EPHA5: variants seen among roughly 807,000 people sequenced by gnomAD.
EPHA5 encodes the protein ephrin type-A receptor 5.
A neutral mutation model predicts 105.0 loss-of-function variants in EPHA5; 60 were observed. The observed-to-expected ratio is 0.57, with a 90% confidence interval of 0.46 to 0.71. EPHA5 has a LOEUF of 0.71. EPHA5 is among the 30% of genes least tolerant of loss of function. The pLI, the probability that EPHA5 is intolerant of heterozygous loss-of-function variation, is 0.00. For synonymous variants in EPHA5, 513 were observed against 449.1 expected (o/e 1.14, Z -1.80); for missense variants, 1,218 against 1,274.7 (o/e 0.96, Z 0.68).
At chr4:65,581,364 G>T (rs1578487121) in intron 3 of EPHA5, among the ~76,000 whole-genome samples, 1 of 151,536 alleles carries the variant, frequency 6.6e-6, no homozygotes, top group African/African-American at 2.4e-5. Context: ...TGTTACAAGG[G>T]TCTCAGCTAA....
At chr4:65,357,171 A>T (rs1723379050) in intron 11 of EPHA5, among the ~76,000 whole-genome samples, 1 of 151,466 alleles carries the variant, frequency 6.6e-6, no homozygotes, top group Non-Finnish European at 1.5e-5. Context: ...TACTCTTTAT[A>T]AGGCAATGTT....
chr4:65,566,652 C>G (rs557572107), intron 3 of EPHA5, among the ~76,000 whole-genome samples: 2 of 151,874 alleles, frequency 1.3e-5, no homozygotes, highest in African/African-American at 4.8e-5. Flanking sequence ...GAGCTTTAAG[C>G]TCTAAGGTGG....
chr4:65,391,498 G>A (rs1436411296), intron 8 of EPHA5, among the ~76,000 whole-genome samples: 1 of 152,078 alleles, frequency 6.6e-6, no homozygotes, highest in Non-Finnish European at 1.5e-5. Context: ...TTTCAACAAT[G>A]AGTATACTTC....
At chr4:65,655,439 A>C (rs1388134528) in intron 1 of EPHA5, among the ~76,000 whole-genome samples, 1 of 152,192 alleles carries the variant, frequency 6.6e-6, no homozygotes, top group African/African-American at 2.4e-5. Context: ...TCACTTAACT[A>C]GAGTTAGAAG....
intron 8 of EPHA5, among the ~76,000 whole-genome samples, chr4:65,391,107 A>G (rs1332808553): frequency 1.3e-5 from 2 of 152,042 alleles, no homozygotes; most frequent in Non-Finnish European, 1.5e-5. Context: ...TTCTTGTAAG[A>G]ACTCACTCAG....
intron 3 of EPHA5, among the ~76,000 whole-genome samples, chr4:65,523,258 A>T (rs2149285351): frequency 6.6e-6 from 1 of 152,092 alleles, no homozygotes; most frequent in Middle Eastern, 3.4e-3. Context: ...CACATAAAAC[A>T]ACTTTGAGTG....
At chr4:65,415,705 A>G (rs1723322325) in intron 6 of EPHA5, among the ~76,000 whole-genome samples, 1 of 152,046 alleles carries the variant, frequency 6.6e-6, no homozygotes, top group Non-Finnish European at 1.5e-5. Flanking sequence ...AATTTTATTA[A>G]ATTTGAGCCA....
At chr4:65,401,061 TGAGA>T (rs903618688) in intron 8 of EPHA5, among the ~76,000 whole-genome samples, 5 of 151,402 alleles carry the variant, frequency 3.3e-5, no homozygotes, top group South Asian at 2.1e-4. Context: ...TGTGTGTGTG[TGAGA>T]GAGAGAGAAA....
intron 1 of EPHA5, among the ~76,000 whole-genome samples, chr4:65,643,769 T>C (rs1011494050): frequency 2.6e-5 from 4 of 151,982 alleles, no homozygotes; most frequent in Admixed American, 2.6e-4. Flanking sequence ...TGTGGCCTTG[T>C]ACAAAGCTCG....
At chr4:65,628,686 T>C (rs1004037822) in intron 2 of EPHA5, among the ~76,000 whole-genome samples, 10 of 152,184 alleles carry the variant, frequency 6.6e-5, no homozygotes, top group African/African-American at 2.4e-4. Flanking sequence ...GTTTGTTTAA[T>C]GAAGTGACTA....
chr4:65,563,628 T>G (rs76152354), intron 3 of EPHA5, among the ~76,000 whole-genome samples: 1,807 of 152,132 alleles, frequency 0.012, 9 homozygotes, highest in Non-Finnish European at 0.019. Context: ...ATAAATCATG[T>G]GTAGCAGAAA....
chr4:65,669,133 C>A (rs1279714882), intron 1 of EPHA5, among the ~76,000 whole-genome samples: 4 of 152,038 alleles, frequency 2.6e-5, no homozygotes, highest in African/African-American at 9.7e-5. Context: ...TTTCTAAAAG[C>A]CCCACTGCTC....
intron 5 of EPHA5, among the ~76,000 whole-genome samples, chr4:65,457,561 T>C (rs1430355320): frequency 1.3e-5 from 2 of 152,056 alleles, no homozygotes; most frequent in African/African-American, 4.8e-5. Context: ...AAGGTATACA[T>C]CTCAGATGAG....
chr4:65,411,762 GA>G (rs533686580), intron 7 of EPHA5, among the ~76,000 whole-genome samples: 169 of 152,168 alleles, frequency 1.1e-3, no homozygotes, highest in Non-Finnish European at 2.1e-3. Flanking sequence ...AAAAGTTCTG[GA>G]AAAAAGTATT....
At chr4:65,411,664 A>G (rs1267884525) in intron 7 of EPHA5, among the ~76,000 whole-genome samples, 1 of 152,206 alleles carries the variant, frequency 6.6e-6, no homozygotes. Context: ...ATAAATGTAC[A>G]TAAAGAATTA....
chr4:65,345,534 A>G (rs898081643), intron 14 of EPHA5, among the ~76,000 whole-genome samples: 3 of 152,216 alleles, frequency 2.0e-5, no homozygotes, highest in African/African-American at 7.2e-5. Flanking sequence ...TAAAGTGGAC[A>G]CAGCTGGAAC....
intron 3 of EPHA5, among the ~76,000 whole-genome samples, chr4:65,495,966 T>A (rs1270901913): frequency 1.3e-5 from 2 of 152,196 alleles, no homozygotes; most frequent in African/African-American, 2.4e-5. Context: ...CTCAAAATTG[T>A]GTTATTGAAT....
At chr4:65,615,047 G>T (rs1745106191) in intron 2 of EPHA5, among the ~76,000 whole-genome samples, 1 of 151,678 alleles carries the variant, frequency 6.6e-6, no homozygotes, top group South Asian at 2.1e-4. Flanking sequence ...ACTTTACAAA[G>T]AATGCAATTA....
In EPHA5 at chr4:65,324,084, T is replaced by C. The variant is rs1424663834; in HGVS notation, c.*30A>G. 2 of 1,438,828 alleles carry C rather than the reference T, an allele frequency of 1.4e-6. No homozygotes were observed. The highest frequency in any genetic ancestry group is 2.0e-6 in the Non-Finnish European group (2 of 1,022,766). 89.1% of individuals were successfully genotyped at this position (1,438,828 alleles called of 1,614,324 possible). A position where few individuals can be genotyped will look rare whatever the true frequency, so the allele number is the denominator to read the frequency against. On this transcript the variant is annotated 3_prime_UTR_variant, in exon 17 of 17. Coordinates refer to ENST00000613740, the MANE Select transcript of EPHA5 (RefSeq NM_001281766.3). ...GTGCTGTTTACAAAGTGCAGAATCA[T>C]TCACTTGAAGAAGCGACATTTACAT... is the stretch of plus-strand genomic sequence containing the variant.
Sources: allele counts gnomAD v4.1 joint callset (sites outside exome capture counted in the v4.1 genomes callset), GRCh38; gene constraint gnomAD v4.1.1; transcripts MANE v1.5; gene names NCBI Gene and HGNC (gene_info 2026-07-23, HGNC 2026-07-21).